The following ATP10A variants were observed in gnomAD, a reference collection of about 807,000 sequenced individuals.
ATP10A encodes the protein ATPase phospholipid transporting 10A (putative), also known as phospholipid-transporting ATPase VA.
ATP10A carries 111 observed loss-of-function variants against 147.8 expected under a neutral mutation model. That is an observed-to-expected ratio of 0.75 (90% CI 0.64 to 0.88). ATP10A has a LOEUF of 0.88. ATP10A is among the 40% of genes least tolerant of loss of function. The pLI, the probability that ATP10A is intolerant of heterozygous loss-of-function variation, is 0.00. For missense variants in ATP10A, 1,927 were observed against 1,959.0 expected, an observed-to-expected ratio of 0.98 and a Z score of 0.31; for synonymous variants, 875 against 841.6, an observed-to-expected ratio of 1.04 and a Z score of -0.69.
At chr15:25,739,047 C>G (rs574588791) in intron 2 of ATP10A, among the ~76,000 whole-genome samples, 3 of 152,174 alleles carry the variant, frequency 2.0e-5, no homozygotes, top group African/African-American at 7.2e-5. Flanking sequence ...TCTATAGAAA[C>G]GTCCCCCAAA....
At chr15:25,722,032 T>C (rs749138615) in intron 6 of ATP10A, 123 bp from the exon 7 acceptor site, 10 of 1,069,214 alleles carry the variant, frequency 9.4e-6, no homozygotes, top group Non-Finnish European at 1.1e-5. Flanking sequence ...ACTGTACCTT[T>C]AAGAGAGCTT....
chr15:25,794,353 A>C (rs1005208044), intron 1 of ATP10A, among the ~76,000 whole-genome samples: 1 of 151,710 alleles, frequency 6.6e-6, no homozygotes, highest in African/African-American at 2.4e-5. Context: ...TAATAAATAA[A>C]TAAATATAAG....
At chr15:25,728,474 G>T (rs977012345) in intron 3 of ATP10A, among the ~76,000 whole-genome samples, 2 of 152,232 alleles carry the variant, frequency 1.3e-5, no homozygotes, top group African/African-American at 4.8e-5. Flanking sequence ...GATTCGAGAC[G>T]GCAAACCACT....
intron 12 of ATP10A, among the ~76,000 whole-genome samples, chr15:25,702,480 G>A (rs1459926329): frequency 6.6e-6 from 1 of 152,170 alleles, no homozygotes; most frequent in Non-Finnish European, 1.5e-5. Flanking sequence ...GACGATATTC[G>A]GAGGGATAAA....
At chr15:25,700,661 A>T (rs1241704548) in intron 13 of ATP10A, among the ~76,000 whole-genome samples, 1 of 152,174 alleles carries the variant, frequency 6.6e-6, no homozygotes, top group Non-Finnish European at 1.5e-5. Context: ...GGTGGCTTCC[A>T]GAGGTTAGAA....
chr15:25,835,097 T>C (rs1343112049), intron 1 of ATP10A, among the ~76,000 whole-genome samples: 1 of 152,050 alleles, frequency 6.6e-6, no homozygotes, highest in Admixed American at 6.6e-5. Flanking sequence ...ACCCAGTCTC[T>C]ACCAAAATTT....
rs1567441413 is a variant in ATP10A, at chr15:25,863,276, G to GCGCCCAGCCCCC, written c.-181_-180insGGGGGCTGGGCG. On this transcript the variant is annotated 5_prime_UTR_variant, in exon 1 of 21. Coordinates refer to ENST00000555815, the MANE Select transcript of ATP10A (RefSeq NM_024490.4). The stretch of plus-strand genomic sequence containing the variant: ...GCGCGCCCAGCCCGCGCCCAGCCCC[G>GCGCCCAGCCCCC]TCCACTCCCGTCCAGCCCCGCCGCC... 2 of 222,232 alleles carry GCGCCCAGCCCCC rather than the reference G, an allele frequency of 9.0e-6. No homozygotes were observed. Among genetic ancestry groups the GCGCCCAGCCCCC allele is most frequent in the Non-Finnish European group, 1.6e-5 (2 of 128,258 alleles). 13.8% of individuals were successfully genotyped at this position (222,232 alleles called of 1,614,324 possible).
intron 4 of ATP10A, among the ~76,000 whole-genome samples, chr15:25,726,476 C>T (rs1322615119): frequency 6.7e-6 from 1 of 148,972 alleles, no homozygotes; most frequent in Non-Finnish European, 1.5e-5. Context: ...GAGTCTTACT[C>T]TGTTGCCCAG....
intron 3 of ATP10A, among the ~76,000 whole-genome samples, chr15:25,728,070 C>T (rs761578520): frequency 1.9e-4 from 29 of 152,326 alleles, no homozygotes; most frequent in Non-Finnish European, 3.5e-4. Flanking sequence ...CCACGCCAGG[C>T]AGGGCCACCA....
chr15:25,845,744 G>T (rs965488502), intron 1 of ATP10A, among the ~76,000 whole-genome samples: 4 of 152,110 alleles, frequency 2.6e-5, no homozygotes, highest in Non-Finnish European at 5.9e-5. Context: ...CCGTGGGAGG[G>T]TCCCCAGGGT....
At position 25,777,331 on chromosome 15, in the gene ATP10A, C is replaced by T. The variant is rs370146470; in HGVS notation, c.654+3688G>A. Among the ~76,000 whole-genome samples, 363 of 152,216 alleles carry T rather than the reference C, an allele frequency of 2.4e-3. 1 individual carries two copies. Among genetic ancestry groups the T allele is most frequent in the African/African-American group, 8.3e-3 (343 of 41,528 alleles). Reference sequence around the variant, plus strand: ...TGTCACCAGTCTTCATCCACTGCAGCGAGGGCCTGGCTCCAGCAGCGTCCA... The same window carrying T: ...TGTCACCAGTCTTCATCCACTGCAGTGAGGGCCTGGCTCCAGCAGCGTCCA... On this transcript the variant is annotated intron_variant, in intron 2 of 20. Transcript: ENST00000555815.
chr15:25,737,439 C>G (rs1296373939), intron 2 of ATP10A, among the ~76,000 whole-genome samples: 2 of 152,166 alleles, frequency 1.3e-5, no homozygotes, highest in Non-Finnish European at 2.9e-5. Flanking sequence ...TTCTTTCTCT[C>G]TAAGAAAAAT....
At chr15:25,862,103 G>A (rs1893786771) in intron 1 of ATP10A, 1 of 350,852 alleles carries the variant, frequency 2.9e-6, no homozygotes, top group South Asian at 2.0e-5. Context: ...TCACAGTGGA[G>A]GATGGACACT....
chr15:25,745,729 A>T (rs1887813637), intron 2 of ATP10A, among the ~76,000 whole-genome samples: 1 of 152,246 alleles, frequency 6.6e-6, no homozygotes, highest in South Asian at 2.1e-4. Flanking sequence ...ACAAAACACA[A>T]GAGTATGTAA....
intron 1 of ATP10A, among the ~76,000 whole-genome samples, chr15:25,828,773 A>C (rs759597414): frequency 3.3e-5 from 5 of 152,218 alleles, no homozygotes; most frequent in African/African-American, 7.2e-5. Flanking sequence ...CAGTAAGTGA[A>C]CCATGATATC....
intron 6 of ATP10A, 46 bp from the exon 7 acceptor site, chr15:25,721,955 G>C (rs1481273024): frequency 6.4e-7 from 1 of 1,572,302 alleles, no homozygotes; most frequent in African/African-American, 1.4e-5. Flanking sequence ...GAGGACCAGG[G>C]AGCTGGGGAA....
At chr15:25,691,408 C>G (rs907688321) in intron 15 of ATP10A, among the ~76,000 whole-genome samples, 1 of 152,158 alleles carries the variant, frequency 6.6e-6, no homozygotes, top group African/African-American at 2.4e-5. Context: ...TGGGACCGAG[C>G]CATCGAAAGC....
intron 1 of ATP10A, among the ~76,000 whole-genome samples, chr15:25,805,992 A>T (rs1391284347): frequency 6.6e-6 from 1 of 152,188 alleles, no homozygotes; most frequent in Admixed American, 6.5e-5. Flanking sequence ...AGCACTTTTT[A>T]TTTTCTAATG....
chr15:25,824,149 A>AG (rs1892008869), intron 1 of ATP10A, among the ~76,000 whole-genome samples: 1 of 1,166 alleles, frequency 8.6e-4, no homozygotes, highest in Admixed American at 0.071. Context: ...TATTAAAGAG[A>AG]AAAAAAATAT....
Sources: gnomAD v4.1 joint callset for allele counts (sites outside exome capture counted in the v4.1 genomes callset) on GRCh38, gnomAD v4.1.1 for gene constraint, MANE v1.5 for transcripts, NCBI Gene and HGNC (gene_info 2026-07-23, HGNC 2026-07-21) for gene names.